The following OBI1 variants were observed in gnomAD, a reference collection of about 807,000 sequenced individuals.
OBI1 encodes ORC ubiquitin ligase 1.
In OBI1, 59 loss-of-function variants were observed where a neutral mutation model predicts 62.4. The observed-to-expected ratio is 0.95, with a 90% CI of 0.77 to 1.17. The LOEUF is 1.17. OBI1 is among the 50% of genes most tolerant of loss of function. The pLI is 0.00. For synonymous variants in OBI1, 302 were observed against 292.8 expected (o/e 1.03, Z -0.32); for missense variants, 875 against 830.9 (o/e 1.05, Z -0.65).
At chr13:78,622,975 A>G (rs780130035) in intron 5 of OBI1, among the ~76,000 whole-genome samples, 8 of 152,246 alleles carry the variant, frequency 5.3e-5, no homozygotes, top group Non-Finnish European at 1.2e-4. Context: ...CCTATGGATC[A>G]TTTGTGCATT....
chr13:78,618,255 A>G (rs925644045), intron 5 of OBI1, among the ~76,000 whole-genome samples: 3 of 152,120 alleles, frequency 2.0e-5, no homozygotes, highest in African/African-American at 7.2e-5. Flanking sequence ...CATTTCTAAG[A>G]ATTAAGGGAT....
intron 1 of OBI1, among the ~76,000 whole-genome samples, chr13:78,655,656 T>C (rs1876679002): frequency 6.6e-6 from 1 of 152,206 alleles, no homozygotes; most frequent in African/African-American, 2.4e-5. Flanking sequence ...CCCTTCATGG[T>C]ATCCACCTTG....
chr13:78,648,890 G>T lies in OBI1; in HGVS notation c.73-3893C>A, dbSNP rs1876464214. On this transcript the variant is annotated intron_variant, in intron 1 of 5. Transcript: ENST00000282003. ...ATCGCACCATTGCACTCCAGCCTGG[G>T]CAACAAGAGCAAAATGCCATCTCAA... 2.0e-5 allele frequency among the ~76,000 whole-genome samples: 3 copies of T among 146,650 alleles called. No individual in the cohort carries two copies. The Admixed American group carries it at 2.0e-4, about 10-fold the overall frequency.
intron 5 of OBI1, among the ~76,000 whole-genome samples, chr13:78,630,225 TTAAC>T (rs1339595885): frequency 2.0e-5 from 3 of 152,124 alleles, no homozygotes; most frequent in African/African-American, 7.2e-5. Context: ...CATGCCTTCA[TTAAC>T]TACTTTTCTG....
chr13:78,659,139 GCCAACACGGA>G lies in OBI1; in HGVS notation c.-29_-20del. On this transcript the variant is annotated 5_prime_UTR_variant, in exon 1 of 6. Coordinates refer to ENST00000282003, the MANE Select transcript of OBI1 (RefSeq NM_024546.4). ...GAGCCATGGCAGCGTTCAGAATCCC[GCCAACACGGA>G]AGTCCCGCCGACCTACCGCTACTCT... 6.2e-7 allele frequency: 1 copy of G among 1,606,948 alleles called. No individual in the cohort carries two copies. Among genetic ancestry groups the G allele is most frequent in the Non-Finnish European group, 8.5e-7 (1 of 1,176,488 alleles).
rs1876114354 is a variant in OBI1 at position 78,638,940 on chromosome 13, T to C, written c.432A>G (p.Leu144=). ...TAATTTTACTTGGATTATCTGTGACTAGATGTTTGTCTTCATTTTGGTTGC... is the reference window on the plus strand; with the variant it reads ...TAATTTTACTTGGATTATCTGTGACCAGATGTTTGTCTTCATTTTGGTTGC... ...VQGNQNEDKH[L]VTDNPSKINP... The change falls in exon 4 of 6, where the codon CTA becomes CTG. Residue 144 remains leucine (L), a synonymous_variant. Coordinates refer to ENST00000282003, the MANE Select transcript of OBI1 (RefSeq NM_024546.4). The C allele has an allele frequency of 1.2e-6, 2 of 1,614,046 alleles. No individual in the cohort carries two copies. Among genetic ancestry groups the C allele is most frequent in the Non-Finnish European group, 1.7e-6 (2 of 1,179,954 alleles).
intron 1 of OBI1, among the ~76,000 whole-genome samples, chr13:78,650,021 A>T (rs926756598): frequency 6.6e-6 from 1 of 152,230 alleles, no homozygotes; most frequent in Non-Finnish European, 1.5e-5. Context: ...TTTACTAGGG[A>T]TAGGTAGCAG....
intron 1 of OBI1, among the ~76,000 whole-genome samples, chr13:78,655,577 C>T (rs920718018): frequency 3.9e-5 from 6 of 152,172 alleles, no homozygotes; most frequent in African/African-American, 1.2e-4. Context: ...TACCTGGGCT[C>T]TCTCTCCTTC....
chr13:78,626,404 G>A (rs1423378323), intron 5 of OBI1, among the ~76,000 whole-genome samples: 1 of 152,160 alleles, frequency 6.6e-6, no homozygotes, highest in Non-Finnish European at 1.5e-5. Flanking sequence ...TGGTGCCAAG[G>A]AGCTGCCAGA....
At chr13:78,656,735 G>A (rs961662117) in intron 1 of OBI1, among the ~76,000 whole-genome samples, 2 of 127,070 alleles carry the variant, frequency 1.6e-5, no homozygotes, top group Non-Finnish European at 3.4e-5. Context: ...TACCTGGGGG[G>A]GGGGGGGGAG....
At chr13:78,639,512 A>T (rs1279560076) in intron 3 of OBI1, among the ~76,000 whole-genome samples, 3 of 151,522 alleles carry the variant, frequency 2.0e-5, no homozygotes, top group Non-Finnish European at 2.9e-5. Flanking sequence ...AAAGGACTAT[A>T]AATCATGCTG....
intron 3 of OBI1, among the ~76,000 whole-genome samples, chr13:78,640,588 C>T (rs1876183275): frequency 6.6e-6 from 1 of 152,038 alleles, no homozygotes; most frequent in Non-Finnish European, 1.5e-5. Flanking sequence ...CAGCTGAGGT[C>T]AGGAGTTCAA....
intron 1 of OBI1, among the ~76,000 whole-genome samples, chr13:78,658,738 G>A (rs1026256847): frequency 6.6e-6 from 1 of 152,168 alleles, no homozygotes; most frequent in African/African-American, 2.4e-5. Context: ...ATGCGTTTCT[G>A]ATGGGGCCTC....
intron 5 of OBI1, among the ~76,000 whole-genome samples, chr13:78,626,135 T>A (rs755806836): frequency 6.6e-6 from 1 of 152,142 alleles, no homozygotes; most frequent in Non-Finnish European, 1.5e-5. Flanking sequence ...GTCCCTACTA[T>A]CACCTCCTCT....
intron 5 of OBI1, among the ~76,000 whole-genome samples, chr13:78,633,950 C>T (rs1875934987): frequency 1.3e-5 from 2 of 151,784 alleles, no homozygotes. Flanking sequence ...GCCTGTAGTC[C>T]CAGCTATTCG....
chr13:78,620,534 C>T (rs1193409041), intron 5 of OBI1: 2 of 443,608 alleles, frequency 4.5e-6, no homozygotes, highest in African/African-American at 2.0e-5. Flanking sequence ...CAATTGATAT[C>T]GGAACTGTAT....
chr13:78,653,712 G>A (rs925746859), intron 1 of OBI1, among the ~76,000 whole-genome samples: 1 of 152,126 alleles, frequency 6.6e-6, no homozygotes, highest in African/African-American at 2.4e-5. Context: ...AACTGGTCTT[G>A]CAATTATATC....
At chr13:78,630,370 G>C (rs1436389585) in intron 5 of OBI1, among the ~76,000 whole-genome samples, 1 of 151,932 alleles carries the variant, frequency 6.6e-6, no homozygotes, top group Non-Finnish European at 1.5e-5. Context: ...CAAGATTTTT[G>C]TCTTATTTCC....
In OBI1 at chr13:78,614,527, G is replaced by GT. The variant is rs1262268698; in HGVS notation, c.*1052dup. On this transcript the variant is annotated 3_prime_UTR_variant, in exon 6 of 6. Transcript: ENST00000282003. Reference sequence around the variant, plus strand: ...CCCCCTCAACACTCTTCACAGAAAAGTTTTGTCCTACATAAAAGATATTCT... The same window carrying GT: ...CCCCCTCAACACTCTTCACAGAAAAGTTTTTGTCCTACATAAAAGATATTCT... 1 of 152,572 alleles carries GT rather than the reference G, an allele frequency of 6.6e-6. No homozygotes were observed. The highest frequency in any genetic ancestry group is 1.5e-5 in the Non-Finnish European group (1 of 68,024). The allele number at this position is 152,572 out of a possible 1,614,324, so 9.5% of individuals were successfully genotyped here.
Sources: gnomAD v4.1 joint callset for allele counts (sites outside exome capture counted in the v4.1 genomes callset) on GRCh38, gnomAD v4.1.1 for gene constraint, MANE v1.5 for transcripts, NCBI Gene and HGNC (gene_info 2026-07-23, HGNC 2026-07-21) for gene names.